The following DENND6A variants were observed in gnomAD, a reference collection of about 807,000 sequenced individuals.
DENND6A encodes protein DENND6A.
In DENND6A, 43 loss-of-function variants were observed where a neutral mutation model predicts 95.5. The observed-to-expected ratio is 0.45, with a 90% CI of 0.35 to 0.58. The LOEUF is 0.58. DENND6A is among the 20% of genes least tolerant of loss of function. DENND6A has a pLI of 0.00. For synonymous variants in DENND6A, 257 were observed against 260.4 expected, an observed-to-expected ratio of 0.99 and a Z score of 0.13; for missense variants, 574 against 736.0, an observed-to-expected ratio of 0.78 and a Z score of 2.55.
At chr3:57,634,434 CAAAAAA>C (rs60799417) in intron 14 of DENND6A, 118 bp downstream of exon 14, 78 of 280,498 alleles carry the variant, frequency 2.8e-4, no homozygotes, top group Middle Eastern at 1.1e-3. Context: ...CTCTGTCTCC[CAAAAAA>C]AAAAAAAAAA....
rs187490537 is a variant in DENND6A at position 57,669,739 on chromosome 3, C to A, written c.319+2517G>T. Among the ~76,000 whole-genome samples the A allele has an allele frequency of 6.1e-3, 908 of 148,354 alleles. 3 individuals carry two copies. The highest frequency in any genetic ancestry group is 0.01 in the Non-Finnish European group (684 of 67,064). On this transcript the variant is annotated intron_variant, in intron 3 of 19. Transcript: ENST00000311128. ...CAAAAAAAAAGAAAAGAAAAAAAATCAGCCGGGTGCAGTGGTTCACACCTG... is the reference window on the plus strand; with the variant it reads ...CAAAAAAAAAGAAAAGAAAAAAAATAAGCCGGGTGCAGTGGTTCACACCTG...
chr3:57,664,429 C>T (rs1272771747), intron 4 of DENND6A, among the ~76,000 whole-genome samples: 2 of 152,110 alleles, frequency 1.3e-5, no homozygotes, highest in Non-Finnish European at 2.9e-5. Context: ...ATTCCTTAAA[C>T]AAATATATAT....
chr3:57,654,682 G>C (rs1390620374), intron 9 of DENND6A: 1 of 984,984 alleles, frequency 1.0e-6, no homozygotes, highest in African/African-American at 1.7e-5. Context: ...CTATTTCTGT[G>C]ATCAAGAAAG....
At chr3:57,687,061 G>A (rs778837830) in intron 1 of DENND6A, among the ~76,000 whole-genome samples, 7 of 152,024 alleles carry the variant, frequency 4.6e-5, no homozygotes, top group African/African-American at 7.3e-5. Flanking sequence ...GTCTCACCAC[G>A]TTGCCCAGTC....
chr3:57,648,799 T>C (rs1442472771), intron 9 of DENND6A, among the ~76,000 whole-genome samples: 1 of 152,146 alleles, frequency 6.6e-6, no homozygotes, highest in African/African-American at 2.4e-5. Flanking sequence ...GGTGCTGAGA[T>C]AATTGGCAAG....
At chr3:57,674,161 T>A (rs7647130) in intron 1 of DENND6A, among the ~76,000 whole-genome samples, 1 of 151,634 alleles carries the variant, frequency 6.6e-6, no homozygotes, top group Non-Finnish European at 1.5e-5. Context: ...GGTGGGAGGA[T>A]CACGAGGGCA....
chr3:57,645,632 C>A, intron 11 of DENND6A, 29 bp downstream of exon 11: 1 of 1,531,736 alleles, frequency 6.5e-7, no homozygotes, highest in South Asian at 1.1e-5. Flanking sequence ...AAAGGTAATA[C>A]CTGGTCAATA....
At chr3:57,630,346 A>G (rs575645400) in intron 18 of DENND6A, 75 bp downstream of exon 18, 2 of 1,329,876 alleles carry the variant, frequency 1.5e-6, no homozygotes, top group Admixed American at 2.8e-5. Flanking sequence ...AAAGGGTACA[A>G]TCTTCAACTT....
rs1553742674 is a variant in DENND6A at position 57,663,487 on chromosome 3, A to AATATAT, written c.513+143_513+148dup. The AATATAT allele has an allele frequency of 8.4e-4, 77 of 91,956 alleles. 1 individual carries two copies. The highest frequency in any genetic ancestry group is 6.4e-3 in the African/African-American group (71 of 11,058). The allele number at this position is 91,956 out of a possible 1,614,324, so 5.7% of individuals were successfully genotyped here. A position where few individuals can be genotyped will look rare whatever the true frequency, so the allele number is the denominator to read the frequency against. Reference sequence around the variant, plus strand: ...TCAAAAAAAAAAAAAAAAAAAAAAAAATATATATATACACACACACACACA... The same window carrying AATATAT: ...TCAAAAAAAAAAAAAAAAAAAAAAAAATATATATATATATATACACACACACACACA... On this transcript the variant is annotated intron_variant, in intron 5 of 19. Transcript: ENST00000311128.
intron 12 of DENND6A, among the ~76,000 whole-genome samples, chr3:57,636,447 C>G (rs536760261): frequency 2.6e-5 from 4 of 152,082 alleles, no homozygotes; most frequent in African/African-American, 7.2e-5. Context: ...AACAAAACAG[C>G]TAATTACCCG....
intron 19 of DENND6A, 77 bp downstream of exon 19, chr3:57,628,734 T>C (rs1422218190): frequency 2.1e-6 from 3 of 1,440,652 alleles, no homozygotes; most frequent in East Asian, 4.6e-5. Flanking sequence ...CGAACTATCA[T>C]GGGTTGTCAG....
chr3:57,684,558 C>CAGAT (rs2077195447), intron 1 of DENND6A, among the ~76,000 whole-genome samples: 1 of 151,902 alleles, frequency 6.6e-6, no homozygotes, highest in Non-Finnish European at 1.5e-5. Flanking sequence ...CTGAGGCAGG[C>CAGAT]AGATCACTTG....
At chr3:57,677,155 C>G (rs1451499514) in intron 1 of DENND6A, among the ~76,000 whole-genome samples, 1 of 152,070 alleles carries the variant, frequency 6.6e-6, no homozygotes, top group African/African-American at 2.4e-5. Context: ...CGTCAACTTT[C>G]CCAACACTAT....
At chr3:57,642,159 A>G (rs757837032) in intron 11 of DENND6A, among the ~76,000 whole-genome samples, 50 of 152,036 alleles carry the variant, frequency 3.3e-4, no homozygotes, top group Non-Finnish European at 5.4e-4. Context: ...CTAAAATTAC[A>G]AAAAATTAGC....
chr3:57,642,776 T>C (rs1000492092), intron 11 of DENND6A, among the ~76,000 whole-genome samples: 14 of 151,492 alleles, frequency 9.2e-5, no homozygotes, highest in African/African-American at 2.9e-4. Context: ...AAGGCCGAGG[T>C]GGGCAGATCA....
intron 1 of DENND6A, among the ~76,000 whole-genome samples, chr3:57,686,013 AC>A (rs1368605023): frequency 6.6e-6 from 1 of 152,220 alleles, no homozygotes; most frequent in African/African-American, 2.4e-5. Context: ...ATCCTCTGGA[AC>A]TGATTCTGAT....
chr3:57,660,632 C>G (rs6809568), intron 7 of DENND6A, 128 bp downstream of exon 7: 2 of 710,716 alleles, frequency 2.8e-6, no homozygotes, highest in East Asian at 3.4e-5. Context: ...TGCTTGAGCC[C>G]GGAAAGTTGA....
At position 57,666,179 on chromosome 3, in the gene DENND6A, C is replaced by T. The variant is rs778242957; in HGVS notation, c.376G>A (p.Val126Met). The change falls in exon 4 of 20, where the codon GTG (valine) becomes ATG (methionine). Residue 126 changes from valine (V) to methionine (M), a missense_variant. By Grantham distance (21) the Val-to-Met change is conservative. Coordinates refer to ENST00000311128, the MANE Select transcript of DENND6A (RefSeq NM_152678.3). ...TGATCCAGGAGACAATGCAGCGACA[C>T]CCTCCTCCCAGAAGACTGTCGAAAT... ...FRFRQSSGRR[V>M]SLHCLLDQFD... 4.3e-6 allele frequency: 7 copies of T among 1,613,904 alleles called. No individual in the cohort carries two copies. The highest frequency in any genetic ancestry group is 5.1e-6 in the Non-Finnish European group (6 of 1,179,882).
At chr3:57,681,483 G>T (rs1369846567) in intron 1 of DENND6A, among the ~76,000 whole-genome samples, 1 of 151,760 alleles carries the variant, frequency 6.6e-6, no homozygotes, top group Non-Finnish European at 1.5e-5. Context: ...AATTAGGCAG[G>T]CATAGTGGCA....
Sources: gnomAD v4.1 joint callset for allele counts (sites outside exome capture counted in the v4.1 genomes callset) on GRCh38, gnomAD v4.1.1 for gene constraint, MANE v1.5 for transcripts, NCBI Gene and HGNC (gene_info 2026-07-23, HGNC 2026-07-21) for gene names.